Variants in CSNK2A2IP observed in about 807,000 individuals in gnomAD.
CSNK2A2IP encodes casein kinase 2 subunit alpha' interacting protein.
At chr3:88,425,541 G>A in the CSNK2A2IP span, among the ~76,000 whole-genome samples, 1 of 151,960 alleles carries the variant, frequency 6.6e-6, no homozygotes, top group Non-Finnish European at 1.5e-5. Context: ...CTTGTCAATT[G>A]TATAACTAAT....
At chr3:88,382,092 G>A in the CSNK2A2IP span, among the ~76,000 whole-genome samples, 1 of 152,302 alleles carries the variant, frequency 6.6e-6, no homozygotes, top group South Asian at 2.1e-4. Flanking sequence ...CAATTTTCCT[G>A]CAGCATGAAG....
chr3:88,386,376 T>C, the CSNK2A2IP span, among the ~76,000 whole-genome samples: 1 of 152,230 alleles, frequency 6.6e-6, no homozygotes, highest in Non-Finnish European at 1.5e-5. Flanking sequence ...TCCACCTGCC[T>C]CGGCCTCTCA....
chr3:88,457,414 G>A, the CSNK2A2IP span, among the ~76,000 whole-genome samples: 36 of 151,574 alleles, frequency 2.4e-4, no homozygotes, highest in Non-Finnish European at 4.0e-4. Flanking sequence ...TTAAAAAATC[G>A]ACTGGGTATG....
chr3:88,399,446 A>C, the CSNK2A2IP span, among the ~76,000 whole-genome samples: 1 of 152,198 alleles, frequency 6.6e-6, no homozygotes, highest in Non-Finnish European at 1.5e-5. Flanking sequence ...TCCTGCATCC[A>C]AAGGTCAGAC....
the CSNK2A2IP span, among the ~76,000 whole-genome samples, chr3:88,416,271 TAA>T: frequency 1.3e-4 from 15 of 117,940 alleles, no homozygotes; most frequent in Admixed American, 1.7e-4. Flanking sequence ...GACTCCCTAT[TAA>T]AAAAAAAAAA....
At chr3:88,387,381 G>A in the CSNK2A2IP span, among the ~76,000 whole-genome samples, 69 of 152,126 alleles carry the variant, frequency 4.5e-4, no homozygotes, top group Admixed American at 3.9e-3. Flanking sequence ...ATGTTGGCCC[G>A]GATGGTCTCT....
the CSNK2A2IP span, among the ~76,000 whole-genome samples, chr3:88,462,097 T>G: frequency 5.7e-5 from 8 of 140,954 alleles, no homozygotes; most frequent in Admixed American, 6.1e-4. Context: ...CAGATTATCA[T>G]GGAGATGAGT....
chr3:88,353,837 C>T, the CSNK2A2IP span, among the ~76,000 whole-genome samples: 1 of 152,082 alleles, frequency 6.6e-6, no homozygotes, highest in East Asian at 1.9e-4. Flanking sequence ...GTATTTTTAG[C>T]TGTATGTAAG....
chr3:88,416,712 A>G, the CSNK2A2IP span, among the ~76,000 whole-genome samples: 1 of 152,210 alleles, frequency 6.6e-6, no homozygotes, highest in African/African-American at 2.4e-5. Context: ...GTTCAAGACA[A>G]CATATCTATA....
chr3:88,401,673 A>G, the CSNK2A2IP span, among the ~76,000 whole-genome samples: 7 of 152,104 alleles, frequency 4.6e-5, no homozygotes, highest in East Asian at 1.9e-4. Flanking sequence ...CTGCTGCTCT[A>G]TTAATGAAAA....
At chr3:88,386,643 T>C in the CSNK2A2IP span, among the ~76,000 whole-genome samples, 1 of 152,150 alleles carries the variant, frequency 6.6e-6, no homozygotes, top group East Asian at 1.9e-4. Flanking sequence ...TTGAGGCAAA[T>C]TGGTGGGGTT....
chr3:88,444,114 A>T, the CSNK2A2IP span, among the ~76,000 whole-genome samples: 2 of 152,158 alleles, frequency 1.3e-5, no homozygotes, highest in African/African-American at 4.8e-5. Context: ...AACAGAAAAT[A>T]CTGAATAGGT....
chr3:88,424,076 C>A, the CSNK2A2IP span, among the ~76,000 whole-genome samples: 1 of 152,124 alleles, frequency 6.6e-6, no homozygotes, highest in Non-Finnish European at 1.5e-5. Context: ...AATTATTTCT[C>A]ATCTGATATT....
the CSNK2A2IP span, among the ~76,000 whole-genome samples, chr3:88,373,482 G>C: frequency 6.6e-6 from 1 of 150,998 alleles, no homozygotes; most frequent in Non-Finnish European, 1.5e-5. Context: ...ATATAATAAA[G>C]TGGTGTTTAG....
At chr3:88,369,970 G>T in the CSNK2A2IP span, among the ~76,000 whole-genome samples, 62,471 of 151,576 alleles carry the variant, frequency 0.41, 14,803 homozygotes, top group South Asian at 0.6. Flanking sequence ...GCCACCAGGG[G>T]CCTAGGCTGA....
chr3:88,355,089 A>T, the CSNK2A2IP span, among the ~76,000 whole-genome samples: 2 of 152,140 alleles, frequency 1.3e-5, no homozygotes, highest in Non-Finnish European at 2.9e-5. Flanking sequence ...AAAGTAAGAT[A>T]CTATCTTAAG....
chr3:88,345,849 T>TA, the CSNK2A2IP span, among the ~76,000 whole-genome samples: 3 of 151,868 alleles, frequency 2.0e-5, no homozygotes, highest in Admixed American at 1.3e-4. Flanking sequence ...TCACTTTAAA[T>TA]AAAAAACTAA....
chr3:88,395,600 T>A, the CSNK2A2IP span, among the ~76,000 whole-genome samples: 1 of 152,202 alleles, frequency 6.6e-6, no homozygotes, highest in Non-Finnish European at 1.5e-5. Flanking sequence ...CTTTTGCATT[T>A]TTATATTAAT....
chr3:88,466,405 C>G, the CSNK2A2IP span: 1 of 1,231,940 alleles, frequency 8.1e-7, no homozygotes. Context: ...TACCACTTCA[C>G]CAAATGGCAA....
Sources: allele counts gnomAD v4.1 joint callset (sites outside exome capture counted in the v4.1 genomes callset), GRCh38; gene constraint gnomAD v4.1.1; transcripts MANE v1.5; gene names NCBI Gene and HGNC (gene_info 2026-07-23, HGNC 2026-07-21).